The following RAMP3 variants were observed in gnomAD, a reference collection of about 807,000 sequenced individuals.
RAMP3 encodes receptor activity-modifying protein 3.
A neutral mutation model predicts 13.5 loss-of-function variants in RAMP3; 14 were observed. The observed-to-expected ratio is 1.04, with a 90% CI of 0.69 to 1.63. The LOEUF (loss-of-function observed/expected upper bound fraction) is 1.63. Ranked by LOEUF, RAMP3 falls within the 40% of genes most tolerant of loss-of-function variation. The pLI is 0.00. For synonymous variants in RAMP3, 106 were observed against 88.3 expected (o/e 1.20, Z -1.12); for missense variants, 200 against 204.8 (o/e 0.98, Z 0.14).
intron 1 of RAMP3, among the ~76,000 whole-genome samples, chr7:45,166,472 C>G (rs1785963874): frequency 6.6e-6 from 1 of 152,172 alleles, no homozygotes; most frequent in African/African-American, 2.4e-5. Context: ...GTAGAAATGA[C>G]TATTCATATC....
chr7:45,178,537 C>T (rs918221225), intron 2 of RAMP3, among the ~76,000 whole-genome samples: 2 of 152,256 alleles, frequency 1.3e-5, no homozygotes, highest in African/African-American at 4.8e-5. Flanking sequence ...CTTCTTGAGG[C>T]TGTCACATCT....
At chr7:45,174,813 A>T (rs1205988945) in intron 1 of RAMP3, among the ~76,000 whole-genome samples, 3 of 152,144 alleles carry the variant, frequency 2.0e-5, no homozygotes, top group Non-Finnish European at 4.4e-5. Context: ...TGCCCCCTGG[A>T]ACCCAGATGG....
At position 45,157,900 on chromosome 7, in the gene RAMP3, G is replaced by GGCCCGCACCGGGGGCGCCC. The variant is rs1785789856; in HGVS notation, c.58+15_58+33dup. The GGCCCGCACCGGGGGCGCCC allele has an allele frequency of 2.2e-6, 3 of 1,353,124 alleles. No homozygotes were observed. The allele number at this position is 1,353,124 out of a possible 1,614,324, so 83.8% of individuals were successfully genotyped here. On this transcript the variant is annotated intron_variant, in intron 1 of 2. Coordinates refer to ENST00000242249, the MANE Select transcript of RAMP3 (RefSeq NM_005856.3). The stretch of plus-strand genomic sequence containing the variant: ...TGCTGCTCTGCGGTAAGGGGGCGAC[G>GGCCCGCACCGGGGGCGCCC]GCCCGCACCGGGGGCGCCCCCACTC...
In RAMP3 at chr7:45,183,164, G is replaced by A; in HGVS notation, c.199G>A (p.Glu67Lys). 6.2e-7 allele frequency: 1 copy of A among 1,611,172 alleles called. No homozygotes were observed. The highest frequency in any genetic ancestry group is 8.5e-7 in the Non-Finnish European group (1 of 1,179,986). ...CCCCCTCTGCTTTTGCAGGTACTAT[G>A]AGAGTTTCACCAACTGCACCGAGAT... ...CNLSEFIVYY[E>K]SFTNCTEMEA... The change falls in exon 3 of 3, where the codon GAG (glutamate) becomes AAG (lysine). Residue 67 changes from glutamate to lysine, a missense_variant. Glu to Lys is a moderately conservative substitution (Grantham distance 56). Coordinates refer to ENST00000242249, the MANE Select transcript of RAMP3 (RefSeq NM_005856.3).
chr7:45,167,558 CTTTTT>C (rs373727786), intron 1 of RAMP3, among the ~76,000 whole-genome samples: 1 of 139,494 alleles, frequency 7.2e-6, no homozygotes, highest in African/African-American at 2.6e-5. Context: ...CAACTTTGTT[CTTTTT>C]TTTTTTTTTT....
At chr7:45,177,185 C>A in intron 1 of RAMP3, 124 bp from the exon 2 acceptor site, 1 of 1,276,566 alleles carries the variant, frequency 7.8e-7, no homozygotes, top group Non-Finnish European at 1.1e-6. Flanking sequence ...TCCGCTGGAA[C>A]GGTCTCAGGC....
intron 1 of RAMP3, among the ~76,000 whole-genome samples, chr7:45,172,767 A>T (rs1786106683): frequency 6.6e-6 from 1 of 152,136 alleles, no homozygotes; most frequent in African/African-American, 2.4e-5. Context: ...CAGCTTTCTG[A>T]GGGCTGCAAT....
At chr7:45,177,050 CTGCCTGTGCCA>C (rs1450813609) in intron 1 of RAMP3, among the ~76,000 whole-genome samples, 1 of 152,248 alleles carries the variant, frequency 6.6e-6, no homozygotes. Flanking sequence ...TGCCTGATCC[CTGCCTGTGCCA>C]CTGCCTGTGA....
intron 2 of RAMP3, among the ~76,000 whole-genome samples, chr7:45,181,145 G>A (rs1010071421): frequency 2.6e-5 from 4 of 152,238 alleles, no homozygotes; most frequent in African/African-American, 9.6e-5. Context: ...CCCACTTACA[G>A]ATGAGGAAAC....
chr7:45,170,704 G>C lies in RAMP3; in HGVS notation c.59-6605G>C, dbSNP rs118138533. 9.5e-3 allele frequency among the ~76,000 whole-genome samples: 1,443 copies of C among 152,210 alleles called. 17 individuals are homozygous for C. Among genetic ancestry groups the C allele is most frequent in the Middle Eastern group, 0.024 (7 of 294 alleles). ...TGTGTCACCCAGGCTGGAGTGCAAT[G>C]GTGTGATCATGGCTCATTTCAGCCT... On this transcript the variant is annotated intron_variant, in intron 1 of 2. Coordinates refer to ENST00000242249, the MANE Select transcript of RAMP3 (RefSeq NM_005856.3).
intron 2 of RAMP3, among the ~76,000 whole-genome samples, chr7:45,180,817 C>T (rs1483933873): frequency 6.6e-6 from 1 of 152,222 alleles, no homozygotes; most frequent in Non-Finnish European, 1.5e-5. Context: ...GGTTGTGGTG[C>T]ATCTTTTTTA....
Position 45,183,181 on chromosome 7 carries a change from C to T in RAMP3, c.216C>T (p.Cys72=), listed in dbSNP as rs752228985. The T allele has an allele frequency of 1.9e-6, 3 of 1,612,656 alleles. No homozygotes were observed. Among genetic ancestry groups the T allele is most frequent in the Non-Finnish European group, 2.5e-6 (3 of 1,180,022 alleles). The change falls in exon 3 of 3, where the codon TGC becomes TGT. Residue 72 remains cysteine (C), a synonymous_variant. Transcript: ENST00000242249. Reference sequence around the variant, plus strand: ...GGTACTATGAGAGTTTCACCAACTGCACCGAGATGGAGGCCAATGTCGTGG... The same window carrying T: ...GGTACTATGAGAGTTTCACCAACTGTACCGAGATGGAGGCCAATGTCGTGG... The part of the protein sequence containing the change: ...FIVYYESFTN[C]TEMEANVVGC...
chr7:45,160,665 A>G (rs1191826925), intron 1 of RAMP3, among the ~76,000 whole-genome samples: 1 of 152,168 alleles, frequency 6.6e-6, no homozygotes, highest in Non-Finnish European at 1.5e-5. Flanking sequence ...ACTAGCCACA[A>G]AAGCCCTTTC....
intron 1 of RAMP3, among the ~76,000 whole-genome samples, chr7:45,165,473 T>C (rs1283391110): frequency 6.6e-6 from 1 of 152,238 alleles, no homozygotes; most frequent in Non-Finnish European, 1.5e-5. Context: ...GTGTGGGTGA[T>C]ATTTCCTTTC....
intron 1 of RAMP3, among the ~76,000 whole-genome samples, chr7:45,162,281 C>T (rs1353819003): frequency 6.6e-6 from 1 of 152,200 alleles, no homozygotes; most frequent in Admixed American, 6.5e-5. Flanking sequence ...TCAATGCCGA[C>T]CTGTACTCCA....
intron 1 of RAMP3, among the ~76,000 whole-genome samples, chr7:45,165,674 C>T (rs976778233): frequency 1.3e-5 from 2 of 152,210 alleles, no homozygotes; most frequent in Admixed American, 1.3e-4. Flanking sequence ...AAACCCCCTA[C>T]CCATTAGCAG....
chr7:45,165,773 G>T (rs1469846861), intron 1 of RAMP3, among the ~76,000 whole-genome samples: 3 of 152,302 alleles, frequency 2.0e-5, no homozygotes, highest in Admixed American at 6.5e-5. Flanking sequence ...CACATTTAGT[G>T]TAAATGGCAT....
chr7:45,171,973 C>T (rs1349019443), intron 1 of RAMP3, among the ~76,000 whole-genome samples: 1 of 152,232 alleles, frequency 6.6e-6, no homozygotes, highest in Non-Finnish European at 1.5e-5. Flanking sequence ...CACAAGCAGG[C>T]ACCCATGAGG....
chr7:45,163,677 C>T (rs1785906197), intron 1 of RAMP3: 1 of 985,384 alleles, frequency 1.0e-6, no homozygotes, highest in Non-Finnish European at 1.2e-6. Context: ...CACACAGAAT[C>T]AGAATCACTC....
Sources: allele counts gnomAD v4.1 joint callset (sites outside exome capture counted in the v4.1 genomes callset), GRCh38; gene constraint gnomAD v4.1.1; transcripts MANE v1.5; gene names NCBI Gene and HGNC (gene_info 2026-07-23, HGNC 2026-07-21).